GRAP2: variants seen among roughly 807,000 people sequenced by gnomAD.
GRAP2 encodes GRB2-related adapter protein 2.
GRAP2 carries 31 observed loss-of-function variants against 43.5 expected under a neutral mutation model. The ratio of observed to expected loss-of-function variants is 0.71; its 90% confidence interval spans 0.54 to 0.96. GRAP2 has a LOEUF of 0.96. GRAP2 is among the 40% of genes least tolerant of loss of function. GRAP2 has a pLI of 0.00. For synonymous variants in GRAP2, 156 were observed against 164.8 expected (o/e 0.95, Z 0.41); for missense variants, 371 against 424.4 (o/e 0.87, Z 1.11).
chr22:39,913,062 G>A (rs1273086826), intron 1 of GRAP2, among the ~76,000 whole-genome samples: 2 of 151,954 alleles, frequency 1.3e-5, no homozygotes, highest in East Asian at 1.9e-4. Context: ...GCATGGTGGC[G>A]GGCGCCTGTA....
rs1325878650 is a variant in GRAP2, at chr22:39,954,413, T to C, written c.79-1406T>C. Reference sequence around the variant, plus strand: ...TCAAAGACTTAAAAAAAATTTTTTTTTTGAGAGAGGCTTGCTCTGTTGCCC... The same window carrying C: ...TCAAAGACTTAAAAAAAATTTTTTTCTTGAGAGAGGCTTGCTCTGTTGCCC... On this transcript the variant is annotated intron_variant, in intron 2 of 7. Coordinates refer to ENST00000344138, the MANE Select transcript of GRAP2 (RefSeq NM_004810.4). 2.0e-5 allele frequency among the ~76,000 whole-genome samples: 3 copies of C among 152,080 alleles called. No homozygotes were observed. The East Asian group carries it at 5.8e-4, about 29-fold the overall frequency.
At chr22:39,967,987 G>A (rs1569217844) in intron 5 of GRAP2, 55 bp from the exon 6 acceptor site, 2 of 1,575,758 alleles carry the variant, frequency 1.3e-6, no homozygotes, top group Non-Finnish European at 1.7e-6. Context: ...GGTAGGGTAG[G>A]GCCAGACGAT....
At chr22:39,968,494 C>G in intron 6 of GRAP2, 1 of 571,748 alleles carries the variant, frequency 1.7e-6, no homozygotes, top group Non-Finnish European at 3.1e-6. Flanking sequence ...CTCACACACA[C>G]ACACACACTT....
At chr22:39,962,715 T>C (rs899762636) in intron 4 of GRAP2, among the ~76,000 whole-genome samples, 5 of 152,026 alleles carry the variant, frequency 3.3e-5, no homozygotes, top group African/African-American at 1.2e-4. Flanking sequence ...TGGAGTGCAG[T>C]GGCGCAATCT....
chr22:39,912,919 A>G (rs2066577169), intron 1 of GRAP2, among the ~76,000 whole-genome samples: 1 of 152,014 alleles, frequency 6.6e-6, no homozygotes, highest in Non-Finnish European at 1.5e-5. Flanking sequence ...AAGGCCGGTC[A>G]CGGTGGCTCA....
intron 1 of GRAP2, among the ~76,000 whole-genome samples, chr22:39,944,432 C>T (rs181633314): frequency 6.6e-6 from 1 of 152,050 alleles, no homozygotes; most frequent in African/African-American, 2.4e-5. Flanking sequence ...AGAACATACC[C>T]CACCCCACCC....
Position 39,924,436 on chromosome 22 carries a change from C to T in GRAP2, c.-14-22657C>T, listed in dbSNP as rs556100089. Among the ~76,000 whole-genome samples the T allele has an allele frequency of 7.9e-5, 12 of 152,314 alleles. No homozygotes were observed. In the East Asian group the frequency reaches 2.1e-3, roughly 27 times the overall value. ...CAATGCATGGTCGGGCGCGGTGGCT[C>T]ATGCCTGTAATCCCAACACTTCGGG... On this transcript the variant is annotated intron_variant, in intron 1 of 7. Transcript: ENST00000344138.
intron 1 of GRAP2, among the ~76,000 whole-genome samples, chr22:39,907,263 A>G (rs149106312): frequency 2.0e-5 from 3 of 152,334 alleles, no homozygotes; most frequent in Admixed American, 6.5e-5. Flanking sequence ...CAAGATGTCA[A>G]CGAAAACTAT....
At chr22:39,947,768 TGTA>T (rs2066939341) in intron 2 of GRAP2, 1 of 152,926 alleles carries the variant, frequency 6.5e-6, no homozygotes, top group South Asian at 2.1e-4. Context: ...GCACTTGAGT[TGTA>T]GTGGCCACTT....
rs888120168 is a variant in GRAP2 at position 39,946,931 on chromosome 22, C to G, written c.-14-162C>G. The G allele has an allele frequency of 6.9e-6, 4 of 582,738 alleles. No homozygotes were observed. The African/African-American group carries it at 7.5e-5, about 11-fold the overall frequency. 36.1% of individuals were successfully genotyped at this position (582,738 alleles called of 1,614,324 possible). A position where few individuals can be genotyped will look rare whatever the true frequency, so the allele number is the denominator to read the frequency against. ...ATCCTATAGATTCCGGCAGCTCTTC[C>G]TGCAAACACAAGCCCTTGTTGTGTG... On this transcript the variant is annotated intron_variant, in intron 1 of 7. Coordinates refer to ENST00000344138, the MANE Select transcript of GRAP2 (RefSeq NM_004810.4).
intron 1 of GRAP2, among the ~76,000 whole-genome samples, chr22:39,923,974 G>GTGC (rs1324713648): frequency 6.6e-6 from 1 of 152,108 alleles, no homozygotes; most frequent in Non-Finnish European, 1.5e-5. Flanking sequence ...AAAATCCCAC[G>GTGC]TGCTGCTCAC....
intron 7 of GRAP2, among the ~76,000 whole-genome samples, chr22:39,969,911 T>C (rs148666300): frequency 0.013 from 2,008 of 151,994 alleles, 47 homozygotes; most frequent in African/African-American, 0.046. Context: ...CGAAACTCCG[T>C]CTCAAAAAAC....
chr22:39,910,716 T>A (rs1424956402), intron 1 of GRAP2, among the ~76,000 whole-genome samples: 1 of 151,784 alleles, frequency 6.6e-6, no homozygotes, highest in Non-Finnish European at 1.5e-5. Flanking sequence ...CAGATCTTTC[T>A]TATTCTGTAC....
intron 1 of GRAP2, among the ~76,000 whole-genome samples, chr22:39,931,483 G>A (rs1041540162): frequency 3.3e-5 from 5 of 152,184 alleles, no homozygotes; most frequent in African/African-American, 1.2e-4. Flanking sequence ...AAGAAAGGAT[G>A]GGGTATTATA....
intron 4 of GRAP2, chr22:39,960,953 CTTTTTTTTTTT>C (rs138001): frequency 7.6e-6 from 1 of 131,060 alleles, no homozygotes; most frequent in South Asian, 2.4e-4. Flanking sequence ...CCCAAGTCTT[CTTTTTTTTTTT>C]TTTTTTTGGA....
At chr22:39,948,428 G>C (rs2066947361) in intron 2 of GRAP2, 1 of 151,648 alleles carries the variant, frequency 6.6e-6, no homozygotes, top group Admixed American at 6.6e-5. Context: ...TCATCCACTG[G>C]AGACCATCCT....
intron 1 of GRAP2, among the ~76,000 whole-genome samples, chr22:39,938,803 A>G (rs1443163203): frequency 6.6e-6 from 1 of 152,240 alleles, no homozygotes; most frequent in Non-Finnish European, 1.5e-5. Flanking sequence ...ACACACCTGC[A>G]CACAGGACAG....
At chr22:39,969,273 T>A in intron 6 of GRAP2, 138 bp from the exon 7 acceptor site, 1 of 957,694 alleles carries the variant, frequency 1.0e-6, no homozygotes, top group South Asian at 1.5e-5. Flanking sequence ...CTCCTCAACG[T>A]GGAGGGTTTA....
chr22:39,911,779 G>A (rs551677302), intron 1 of GRAP2, among the ~76,000 whole-genome samples: 53 of 152,232 alleles, frequency 3.5e-4, no homozygotes, highest in African/African-American at 1.2e-3. Flanking sequence ...CAGGGCCTGG[G>A]CACTCGTAGC....
Sources: allele counts gnomAD v4.1 joint callset (sites outside exome capture counted in the v4.1 genomes callset), GRCh38; gene constraint gnomAD v4.1.1; transcripts MANE v1.5; gene names NCBI Gene and HGNC (gene_info 2026-07-23, HGNC 2026-07-21).